PEX3: variants seen among roughly 807,000 people sequenced by gnomAD.
PEX3 encodes the protein peroxin-3.
Under a neutral mutation model 55.8 loss-of-function variants are expected in PEX3, and 30 were observed. The ratio of observed to expected loss-of-function variants is 0.54; its 90% CI spans 0.40 to 0.73. The LOEUF (loss-of-function observed/expected upper bound fraction) is 0.73. Ranked by LOEUF, PEX3 falls within the 30% of genes least tolerant of loss-of-function variation. PEX3 has a pLI of 0.00. For missense variants in PEX3, 351 were observed against 432.8 expected, an observed-to-expected ratio of 0.81 and a Z score of 1.68; for synonymous variants, 135 against 148.4, an observed-to-expected ratio of 0.91 and a Z score of 0.66.
At chr6:143,478,863 A>T (rs1584014967) in intron 9 of PEX3, among the ~76,000 whole-genome samples, 1 of 152,234 alleles carries the variant, frequency 6.6e-6, no homozygotes, top group Non-Finnish European at 1.5e-5. Flanking sequence ...TGACTAGTAT[A>T]AAAAATCTGA....
At chr6:143,470,228 A>G (rs1046142933) in intron 4 of PEX3, among the ~76,000 whole-genome samples, 4 of 152,162 alleles carry the variant, frequency 2.6e-5, no homozygotes, top group Non-Finnish European at 5.9e-5. Context: ...GATTACAGGC[A>G]TAAGCCACCG....
In PEX3 at chr6:143,489,324, C is replaced by T; in HGVS notation, c.*98C>T. ...AGAGTAACAGTTTGTTATCAAAATG[C>T]CTGATAAAATATATTCTTAATAAAA... On this transcript the variant is annotated 3_prime_UTR_variant, in exon 12 of 12. Coordinates refer to ENST00000367591, the MANE Select transcript of PEX3 (RefSeq NM_003630.3). The surrounding 1 kb of genome is among the most constrained non-coding windows in gnomAD (Gnocchi z 5.5). 1 of 734,226 alleles carries T rather than the reference C, an allele frequency of 1.4e-6. No homozygotes were observed. The highest frequency in any genetic ancestry group is 2.5e-6 in the Non-Finnish European group (1 of 400,052). The allele number at this position is 734,226 out of a possible 1,614,324, so 45.5% of individuals were successfully genotyped here.
Position 143,482,369 on chromosome 6 carries a change from A to G in PEX3, c.942-2783A>G, listed in dbSNP as rs79264319. Among the ~76,000 whole-genome samples the G allele has an allele frequency of 6.6e-6, 1 of 152,256 alleles. No individual in the cohort carries two copies. Among genetic ancestry groups the G allele is most frequent in the East Asian group, 1.9e-4 (1 of 5,184 alleles). Reference sequence around the variant, plus strand: ...AGGGAGAAGAAAAAGCTATTGTTATATGAAGGGGACAGACTTTATACTTAG... The same window carrying G: ...AGGGAGAAGAAAAAGCTATTGTTATGTGAAGGGGACAGACTTTATACTTAG... On this transcript the variant is annotated intron_variant, in intron 10 of 11. Coordinates refer to ENST00000367591, the MANE Select transcript of PEX3 (RefSeq NM_003630.3). This position sits in a 1 kb window ranked among gnomAD's most constrained non-coding sequence, Gnocchi z 5.5.
chr6:143,461,054 C>T (rs1288810442), intron 2 of PEX3, among the ~76,000 whole-genome samples: 7 of 151,772 alleles, frequency 4.6e-5, no homozygotes, highest in Non-Finnish European at 8.8e-5. Flanking sequence ...AGAAGGCAAG[C>T]GAAGCATTTA....
intron 1 of PEX3, among the ~76,000 whole-genome samples, chr6:143,452,477 C>G (rs1370607923): frequency 6.6e-6 from 1 of 152,038 alleles, no homozygotes; most frequent in Admixed American, 6.6e-5. Context: ...ATCTCTTTAG[C>G]GATCTCAGAA....
rs1223590733 is a variant in PEX3 at position 143,451,609 on chromosome 6, C to A, written c.73+494C>A. On this transcript the variant is annotated intron_variant, in intron 1 of 11. Transcript: ENST00000367591. The surrounding 1 kb of genome is among the most constrained non-coding windows in gnomAD (Gnocchi z 4.1). ...AAAACAGCGCAGTTGTCCTAAAGGA[C>A]TGAAAGATATGGATTAGATAAAGAA... 6.6e-6 allele frequency among the ~76,000 whole-genome samples: 1 copy of A among 152,282 alleles called. No homozygotes were observed. Among genetic ancestry groups the A allele is most frequent in the East Asian group, 1.9e-4 (1 of 5,188 alleles).
chr6:143,476,326 T>C lies in PEX3; in HGVS notation c.818+1470T>C, dbSNP rs897895079. On this transcript the variant is annotated intron_variant, in intron 9 of 11. Transcript: ENST00000367591. This position sits in a 1 kb window ranked among gnomAD's most constrained non-coding sequence, Gnocchi z 5.4. ...TGAGATTGGAGAGATAGATGGAAAC[T>C]CCAGAGTATGTTGAACCTTGTAGTC... 1.3e-5 allele frequency among the ~76,000 whole-genome samples: 2 copies of C among 152,210 alleles called. No homozygotes were observed. Among genetic ancestry groups the C allele is most frequent in the Non-Finnish European group, 2.9e-5 (2 of 68,044 alleles).
rs374445721 is a variant in PEX3, at chr6:143,471,061, T to C, written c.432T>C (p.Asn144=). ...TTGGTGGATATATTTACCTGGATAA[T>C]GCAGCAGTTGGCAAAAATGGCACTG... ...NIIGGYIYLD[N]AAVGKNGTTI... Residue 144 remains asparagine, a synonymous_variant, in exon 5 of 12, where the codon AAT becomes AAC. Coordinates refer to ENST00000367591, the MANE Select transcript of PEX3 (RefSeq NM_003630.3). This position sits in a 1 kb window ranked among gnomAD's most constrained non-coding sequence, Gnocchi z 5.4. The C allele has an allele frequency of 1.4e-5, 22 of 1,613,430 alleles. No individual in the cohort carries two copies. Among genetic ancestry groups the C allele is most frequent in the Non-Finnish European group, 1.7e-5 (20 of 1,179,590 alleles).
intron 1 of PEX3, among the ~76,000 whole-genome samples, chr6:143,452,373 A>G (rs1000575058): frequency 7.2e-5 from 11 of 152,228 alleles, no homozygotes; most frequent in Non-Finnish European, 8.8e-5. Flanking sequence ...TCCTAAGACT[A>G]CAGAGTCCAT....
chr6:143,452,102 C>A (rs1261289440), intron 1 of PEX3, among the ~76,000 whole-genome samples: 2 of 152,066 alleles, frequency 1.3e-5, no homozygotes, highest in African/African-American at 4.8e-5. Flanking sequence ...ATTAACAGTA[C>A]GTATTAGATT....
intron 2 of PEX3, among the ~76,000 whole-genome samples, chr6:143,461,583 A>G (rs1470279945): frequency 1.5e-5 from 1 of 67,658 alleles, no homozygotes; most frequent in Non-Finnish European, 2.5e-5. Flanking sequence ...ATATACTAGA[A>G]AAAAAAAAAA....
chr6:143,471,397 C>G lies in PEX3; in HGVS notation c.471C>G (p.Pro157=), dbSNP rs1338695567. The G allele has an allele frequency of 4.4e-6, 7 of 1,605,768 alleles. No individual in the cohort carries two copies. Among genetic ancestry groups the G allele is most frequent in the Non-Finnish European group, 3.4e-6 (4 of 1,172,966 alleles). ...VGKNGTTILA[P]PDVQQQYLSS... ...GTTTTATACAGACAATTCTTGCTCC[C>G]CCAGATGTCCAACAGCAGTATTTAT... The change falls in exon 6 of 12, where the codon CCC becomes CCG. Residue 157 remains proline (P), a synonymous_variant. Coordinates refer to ENST00000367591, the MANE Select transcript of PEX3 (RefSeq NM_003630.3). The surrounding 1 kb of genome is among the most constrained non-coding windows in gnomAD (Gnocchi z 5.4).
chr6:143,469,896 A>C (rs139555938), intron 4 of PEX3, among the ~76,000 whole-genome samples: 15 of 152,188 alleles, frequency 9.9e-5, no homozygotes, highest in Non-Finnish European at 1.9e-4. Flanking sequence ...AGCCTTGCCT[A>C]TTTGAAAACA....
In PEX3 at chr6:143,471,100, C is replaced by T. The variant is rs1780067318; in HGVS notation, c.456+15C>T. 6.2e-7 allele frequency: 1 copy of T among 1,609,738 alleles called. No individual in the cohort carries two copies. The highest frequency in any genetic ancestry group is 8.5e-7 in the Non-Finnish European group (1 of 1,176,388). ...AAAATGGCACTGTAAGTTTAATAGA[C>T]TTAAATAGACATTGTTCTTTCCCTC... On this transcript the variant is annotated intron_variant, in intron 5 of 11. Coordinates refer to ENST00000367591, the MANE Select transcript of PEX3 (RefSeq NM_003630.3). The surrounding 1 kb of genome is among the most constrained non-coding windows in gnomAD (Gnocchi z 5.4).
At position 143,463,308 on chromosome 6, in the gene PEX3, C is replaced by T. The variant is rs1779949094; in HGVS notation, c.287+311C>T. ...GTGAAATGTGTTCCTGAACCAGATG[C>T]TGTGAAGCTAACAAAGTTACGTTAA... On this transcript the variant is annotated intron_variant, in intron 3 of 11. Coordinates refer to ENST00000367591, the MANE Select transcript of PEX3 (RefSeq NM_003630.3). The surrounding 1 kb of genome is among the most constrained non-coding windows in gnomAD (Gnocchi z 5.7). 6.6e-6 allele frequency among the ~76,000 whole-genome samples: 1 copy of T among 152,178 alleles called. No homozygotes were observed. Among genetic ancestry groups the T allele is most frequent in the Non-Finnish European group, 1.5e-5 (1 of 68,038 alleles).
chr6:143,490,276 T>C lies in PEX3; in HGVS notation c.*1050T>C, dbSNP rs541087748. On this transcript the variant is annotated 3_prime_UTR_variant, in exon 12 of 12. Coordinates refer to ENST00000367591, the MANE Select transcript of PEX3 (RefSeq NM_003630.3). This position sits in a 1 kb window ranked among gnomAD's most constrained non-coding sequence, Gnocchi z 6.0. ...TAGGGCAAAAGTAAATAAATCATTA[T>C]ATATCATTAGTATGTTGACATATAT... The C allele has an allele frequency of 4.6e-5, 7 of 152,478 alleles. No individual in the cohort carries two copies. Among genetic ancestry groups the C allele is most frequent in the African/African-American group, 1.7e-4 (7 of 41,592 alleles). 9.4% of individuals were successfully genotyped at this position (152,478 alleles called of 1,614,324 possible). A position where few individuals can be genotyped will look rare whatever the true frequency, so the allele number is the denominator to read the frequency against.
At position 143,489,445 on chromosome 6, in the gene PEX3, C is replaced by T. The variant is rs1228970887; in HGVS notation, c.*219C>T. 1.3e-5 allele frequency: 5 copies of T among 378,006 alleles called. No individual in the cohort carries two copies. The highest frequency in any genetic ancestry group is 6.4e-5 in the South Asian group (2 of 31,424). The allele number at this position is 378,006 out of a possible 1,614,324, so 23.4% of individuals were successfully genotyped here. ...GTTTTTGTGGGCATATATATATACA[C>T]GTGCAAATATCAGAATTGTTAATAA... is the stretch of plus-strand genomic sequence containing the variant. On this transcript the variant is annotated 3_prime_UTR_variant, in exon 12 of 12. Coordinates refer to ENST00000367591, the MANE Select transcript of PEX3 (RefSeq NM_003630.3). The surrounding 1 kb of genome is among the most constrained non-coding windows in gnomAD (Gnocchi z 5.5).
Position 143,450,851 on chromosome 6 carries a change from G to A in PEX3, c.-192G>A. 1.3e-6 allele frequency: 1 copy of A among 763,226 alleles called. No individual in the cohort carries two copies. Among genetic ancestry groups the A allele is most frequent in the Non-Finnish European group, 2.3e-6 (1 of 441,762 alleles). The allele number at this position is 763,226 out of a possible 1,614,324, so 47.3% of individuals were successfully genotyped here. On this transcript the variant is annotated 5_prime_UTR_variant, in exon 1 of 12. Transcript: ENST00000367591. ...GGCGGCAGCGGCAGAAAGCGTAGCT[G>A]CTTTGCTGTAGTCCACGCCCCCTTG...
Position 143,486,447 on chromosome 6 carries a change from A to T in PEX3, c.1038+1199A>T, listed in dbSNP as rs1473827338. ...GCACTACACTTTAATTAAAATCGAT[A>T]TAATTGATAATAAAAACAAATGTTT... On this transcript the variant is annotated intron_variant, in intron 11 of 11. Transcript: ENST00000367591. This position sits in a 1 kb window ranked among gnomAD's most constrained non-coding sequence, Gnocchi z 5.0. 6.6e-6 allele frequency among the ~76,000 whole-genome samples: 1 copy of T among 152,166 alleles called. No homozygotes were observed. Among genetic ancestry groups the T allele is most frequent in the Admixed American group, 6.6e-5 (1 of 15,256 alleles).
Sources: allele counts gnomAD v4.1 joint callset (sites outside exome capture counted in the v4.1 genomes callset), GRCh38; gene constraint gnomAD v4.1.1; non-coding constraint Gnocchi (gnomAD v3.1); transcripts MANE v1.5; gene names NCBI Gene and HGNC (gene_info 2026-07-23, HGNC 2026-07-21).